Variants in NFATC2 observed in about 807,000 individuals in gnomAD.
NFATC2 encodes nuclear factor of activated T cells 2.
A neutral mutation model predicts 87.3 loss-of-function variants in NFATC2; 22 were observed. That is an observed-to-expected ratio of 0.25 (90% CI 0.18 to 0.36). The LOEUF is 0.36. Among genes scored for constraint, NFATC2 ranks in the 10% least tolerant of loss-of-function variants. The probability of loss-of-function intolerance (pLI) is 1.00; values close to 1 mark genes in which losing one functional copy is unlikely to be tolerated. For synonymous variants in NFATC2, 565 were observed against 542.2 expected (o/e 1.04, Z -0.58); for missense variants, 1,149 against 1,259.1 (o/e 0.91, Z 1.32).
At chr20:51,511,274 A>G (rs985562954) in intron 3 of NFATC2, among the ~76,000 whole-genome samples, 1 of 152,016 alleles carries the variant, frequency 6.6e-6, no homozygotes, top group Non-Finnish European at 1.5e-5. Flanking sequence ...TCTGTTTGTG[A>G]TCTTGTTTAT....
In NFATC2 at chr20:51,414,377, G is replaced by A. The variant is rs896575499; in HGVS notation, c.2723-15647C>T. On this transcript the variant is annotated intron_variant, in intron 9 of 10. Coordinates refer to ENST00000371564, the MANE Select transcript of NFATC2 (RefSeq NM_012340.5). ...AGAGACATTGTCAGAGCCTTGGAAC[G>A]CTGGCCAGATTTCAAAAGTCACAGC... is the stretch of plus-strand genomic sequence containing the variant. 2.0e-5 allele frequency among the ~76,000 whole-genome samples: 3 copies of A among 152,186 alleles called. No homozygotes were observed. The East Asian group carries it at 5.8e-4, about 29-fold the overall frequency.
At chr20:51,406,332 G>C (rs948939609) in intron 9 of NFATC2, among the ~76,000 whole-genome samples, 1 of 152,104 alleles carries the variant, frequency 6.6e-6, no homozygotes, top group African/African-American at 2.4e-5. Context: ...GCTTTTATCA[G>C]GGTTGGGCAG....
intron 9 of NFATC2, among the ~76,000 whole-genome samples, chr20:51,407,674 C>T (rs1978542319): frequency 6.6e-6 from 1 of 152,184 alleles, no homozygotes; most frequent in Non-Finnish European, 1.5e-5. Context: ...AAATCCTGAT[C>T]CCAAAGTTGC....
At chr20:51,534,927 T>A (rs1348351327) in intron 1 of NFATC2, among the ~76,000 whole-genome samples, 1 of 152,256 alleles carries the variant, frequency 6.6e-6, no homozygotes, top group Non-Finnish European at 1.5e-5. Flanking sequence ...CCACATTGTG[T>A]GCAGTAGTCC....
chr20:51,550,711 C>T (rs927309144), intron 1 of NFATC2, among the ~76,000 whole-genome samples: 4 of 152,126 alleles, frequency 2.6e-5, no homozygotes, highest in African/African-American at 7.2e-5. Flanking sequence ...CAGTCACCTA[C>T]GCAATTGATT....
At chr20:51,420,686 C>G (rs189587243) in intron 9 of NFATC2, among the ~76,000 whole-genome samples, 3 of 151,940 alleles carry the variant, frequency 2.0e-5, no homozygotes, top group Non-Finnish European at 4.4e-5. Flanking sequence ...GTCTGACTCC[C>G]GACGCAAATG....
chr20:51,401,288 A>G, intron 9 of NFATC2, among the ~76,000 whole-genome samples: 1 of 152,062 alleles, frequency 6.6e-6, no homozygotes, highest in African/African-American at 2.4e-5. Context: ...CAGTGAGCTG[A>G]GATGGTGCCA....
At chr20:51,503,739 CAAACA>C (rs1485025543) in intron 3 of NFATC2, among the ~76,000 whole-genome samples, 1 of 152,210 alleles carries the variant, frequency 6.6e-6, no homozygotes, top group East Asian at 1.9e-4. Flanking sequence ...CTGCTGTAGC[CAAACA>C]CAGGGAGAGG....
chr20:51,404,331 T>C (rs978692674), intron 9 of NFATC2, among the ~76,000 whole-genome samples: 3 of 152,214 alleles, frequency 2.0e-5, no homozygotes, highest in Non-Finnish European at 4.4e-5. Flanking sequence ...GTGCCTCCTC[T>C]GTTAAAGGTG....
chr20:51,552,967 C>T (rs1427738024), intron 1 of NFATC2, among the ~76,000 whole-genome samples: 1 of 152,132 alleles, frequency 6.6e-6, no homozygotes, highest in Non-Finnish European at 1.5e-5. Context: ...TGCTCTCCCT[C>T]CCGCACCTTC....
intron 9 of NFATC2, among the ~76,000 whole-genome samples, chr20:51,414,850 A>G (rs1979816227): frequency 6.6e-6 from 1 of 152,182 alleles, no homozygotes; most frequent in Admixed American, 6.5e-5. Context: ...AGCCGGAAAC[A>G]CAGCCCCAAC....
chr20:51,547,713 G>T (rs1283566886), upstream of NFATC2, among the ~76,000 whole-genome samples: 1 of 152,080 alleles, frequency 6.6e-6, no homozygotes, highest in African/African-American at 2.4e-5. Flanking sequence ...CTCAAGTATT[G>T]CTCTGCCTGT....
intron 2 of NFATC2, among the ~76,000 whole-genome samples, chr20:51,518,517 A>G (rs113520175): frequency 4.6e-5 from 7 of 152,156 alleles, no homozygotes; most frequent in African/African-American, 1.7e-4. Flanking sequence ...CTTTCCAACC[A>G]CATTGCCTCC....
intron 5 of NFATC2, among the ~76,000 whole-genome samples, chr20:51,462,177 G>A (rs1346612280): frequency 1.3e-5 from 2 of 151,692 alleles, no homozygotes; most frequent in African/African-American, 4.8e-5. Flanking sequence ...ACTTATGCCT[G>A]TAATCCCAGC....
At chr20:51,450,988 T>G (rs1453516536) in intron 6 of NFATC2, among the ~76,000 whole-genome samples, 1 of 152,202 alleles carries the variant, frequency 6.6e-6, no homozygotes, top group East Asian at 1.9e-4. Flanking sequence ...ACTCCCAGAG[T>G]GCTTAAAAGC....
At chr20:51,405,698 C>A (rs1375391305) in intron 9 of NFATC2, among the ~76,000 whole-genome samples, 1 of 152,140 alleles carries the variant, frequency 6.6e-6, no homozygotes, top group African/African-American at 2.4e-5. Context: ...TGCTGTATCC[C>A]CAGCACCTAG....
upstream of NFATC2, chr20:51,562,659 T>C (rs1422965413): frequency 6.5e-7 from 1 of 1,545,674 alleles, no homozygotes. The surrounding 1 kb of genome is among the most constrained non-coding windows in gnomAD (Gnocchi z 5.8). Flanking sequence ...GGCGCGTGTT[T>C]GGAAAGGGGG....
rs752703674 is a variant in NFATC2 at position 51,523,991 on chromosome 20, C to A, written c.250G>T (p.Gly84Cys). The A allele has an allele frequency of 1.9e-6, 3 of 1,569,768 alleles. No homozygotes were observed. Among genetic ancestry groups the A allele is most frequent in the Non-Finnish European group, 2.6e-6 (3 of 1,163,610 alleles). The change falls in exon 2 of 11, where the codon GGC becomes TGC. Residue 84 changes from glycine to cysteine, a missense_variant. This residue lies in a region of NFATC2 where 563 missense variants were observed against 585.2 expected (regional missense o/e 0.96). Transcript: ENST00000371564. This position sits in a 1 kb window ranked among gnomAD's most constrained non-coding sequence, Gnocchi z 6.9. ...ACCCTATCCGGCTCTCCGAATCGGC[C>A]GGGGGGCTCGCCAGAGAGACTAGCA... Reference protein sequence around the residue: ...PLASLSGEPPGRFGEPDRVGP... With the variant: ...PLASLSGEPPCRFGEPDRVGP...
intron 1 of NFATC2, among the ~76,000 whole-genome samples, chr20:51,553,565 C>T (rs997869755): frequency 2.0e-5 from 3 of 151,646 alleles, no homozygotes; most frequent in Admixed American, 2.0e-4. Flanking sequence ...GTTCCAGCTA[C>T]TCGGGAGGCT....
Sources: allele counts gnomAD v4.1 joint callset (sites outside exome capture counted in the v4.1 genomes callset), GRCh38; gene constraint gnomAD v4.1.1; regional missense constraint gnomAD v4.1.1; non-coding constraint Gnocchi (gnomAD v3.1); transcripts MANE v1.5; gene names NCBI Gene and HGNC (gene_info 2026-07-23, HGNC 2026-07-21).